The following JMJD1C variants were observed in gnomAD, a reference collection of about 807,000 sequenced individuals.
JMJD1C encodes the protein jumonji domain-containing protein 1C.
JMJD1C carries 31 observed loss-of-function variants against 245.3 expected under a neutral mutation model. That is an observed-to-expected ratio of 0.13 (90% CI 0.09 to 0.17). The LOEUF (loss-of-function observed/expected upper bound fraction) is 0.17, where lower values mean the gene tolerates loss of function less well. JMJD1C is among the 10% of genes least tolerant of loss of function. The pLI, the probability that JMJD1C is intolerant of heterozygous loss-of-function variation, is 1.00. For synonymous variants in JMJD1C, 1,057 were observed against 1,017.4 expected (o/e 1.04, Z -0.74); for missense variants, 2,691 against 3,000.2 (o/e 0.90, Z 2.41).
chr10:63,293,259 G>C (rs1179320174), intron 2 of JMJD1C, among the ~76,000 whole-genome samples: 2 of 151,880 alleles, frequency 1.3e-5, no homozygotes, highest in Non-Finnish European at 1.5e-5. Flanking sequence ...ATAAACCATG[G>C]TCACTCCATT....
At chr10:63,295,894 T>C (rs1859315069) in intron 2 of JMJD1C, among the ~76,000 whole-genome samples, 1 of 150,030 alleles carries the variant, frequency 6.7e-6, no homozygotes. Flanking sequence ...TATGTATATA[T>C]ATATACATGA....
chr10:63,190,952 C>A lies in JMJD1C; in HGVS notation c.6233G>T (p.Arg2078Leu). The change falls in exon 17 of 26, where the codon CGT (arginine) becomes CTT (leucine). Residue 2078 changes from arginine (R) to leucine (L), a missense_variant. By Grantham distance (102) the Arg-to-Leu change is moderately radical. Coordinates refer to ENST00000399262, the MANE Select transcript of JMJD1C (RefSeq NM_032776.3). The part of the protein sequence containing the change: ...DLLTTTAGKL[R>L]VGSTDAGIAF... ...AATGCCAGCATCTGTAGACCCCACA[C>A]GTAGCTTTCCAGCTGTTGTAGTCAG... 2.5e-6 allele frequency: 4 copies of A among 1,614,122 alleles called. No individual in the cohort carries two copies. The highest frequency in any genetic ancestry group is 3.4e-6 in the Non-Finnish European group (4 of 1,179,960).
intron 2 of JMJD1C, among the ~76,000 whole-genome samples, chr10:63,267,097 G>C (rs1368477979): frequency 6.6e-6 from 1 of 152,042 alleles, no homozygotes; most frequent in East Asian, 1.9e-4. Context: ...ACTCTTACAA[G>C]GACATGAGTA....
intron 3 of JMJD1C, among the ~76,000 whole-genome samples, chr10:63,234,493 T>TACAAAAAAAAAAAAAAAAAAAAAAA (rs1850424305): frequency 2.7e-5 from 1 of 37,026 alleles, no homozygotes; most frequent in African/African-American, 1.1e-4. Context: ...AACCTCCTCT[T>TACAAAAAAAAAAAAAAAAAAAAAAA]AAAAAAAAAA....
intron 10 of JMJD1C, among the ~76,000 whole-genome samples, chr10:63,205,361 G>T (rs1846477164): frequency 6.6e-6 from 1 of 152,126 alleles, no homozygotes; most frequent in South Asian, 2.1e-4. Context: ...ATATTACTCT[G>T]AAGTAAAATT....
chr10:63,374,869 G>A (rs991766089), intron 2 of JMJD1C, among the ~76,000 whole-genome samples: 7 of 151,992 alleles, frequency 4.6e-5, no homozygotes, highest in Admixed American at 3.9e-4. Context: ...CAGAGATTTT[G>A]TACTTGCTAA....
intron 2 of JMJD1C, among the ~76,000 whole-genome samples, chr10:63,375,005 T>G (rs1367919207): frequency 6.6e-6 from 1 of 152,124 alleles, no homozygotes; most frequent in African/African-American, 2.4e-5. Flanking sequence ...TTAAATGCTA[T>G]TTGTCTTTTT....
chr10:63,488,006 G>A (rs559021017), intron 1 of JMJD1C, among the ~76,000 whole-genome samples: 1 of 152,044 alleles, frequency 6.6e-6, no homozygotes, highest in Non-Finnish European at 1.5e-5. Context: ...AAGTGTATAT[G>A]GTCATACGAT....
chr10:63,247,285 A>G (rs1852344601), intron 3 of JMJD1C, among the ~76,000 whole-genome samples: 1 of 152,114 alleles, frequency 6.6e-6, no homozygotes, highest in South Asian at 2.1e-4. Context: ...TCAGAAATAC[A>G]AAGACTCATT....
chr10:63,457,673 G>GA (rs1256561170), intron 1 of JMJD1C, among the ~76,000 whole-genome samples: 7 of 152,290 alleles, frequency 4.6e-5, no homozygotes, highest in Middle Eastern at 6.8e-3. Context: ...AAAGGGCTCA[G>GA]AAAGAATATA....
intron 17 of JMJD1C, 96 bp from the exon 18 acceptor site, chr10:63,189,542 T>G (rs1285940060): frequency 1.0e-6 from 1 of 967,164 alleles, no homozygotes; most frequent in Non-Finnish European, 1.5e-6. Context: ...ACAATATCCC[T>G]ACACTCCACA....
intron 2 of JMJD1C, among the ~76,000 whole-genome samples, chr10:63,266,879 G>T (rs890098730): frequency 2.0e-5 from 3 of 152,110 alleles, no homozygotes; most frequent in African/African-American, 7.2e-5. Flanking sequence ...ACATTCTTCT[G>T]AAGAGAGCTC....
rs117607177 is a variant in JMJD1C at position 63,170,129 on chromosome 10, G to A, written c.7402-1563C>T. Reference sequence around the variant, plus strand: ...ATTTGTAGCTCCAAAATGTATACTTGGTTCTTTTTTTATATAATTTATTGA... The same window carrying A: ...ATTTGTAGCTCCAAAATGTATACTTAGTTCTTTTTTTATATAATTTATTGA... On this transcript the variant is annotated intron_variant, in intron 24 of 25. Coordinates refer to ENST00000399262, the MANE Select transcript of JMJD1C (RefSeq NM_032776.3). Among the ~76,000 whole-genome samples, 293 of 152,172 alleles carry A rather than the reference G, an allele frequency of 1.9e-3. 2 individuals are homozygous for A. The highest frequency in any genetic ancestry group is 2.5e-3 in the Non-Finnish European group (168 of 67,992).
At chr10:63,376,469 AAC>A (rs999310806) in intron 2 of JMJD1C, among the ~76,000 whole-genome samples, 1 of 152,212 alleles carries the variant, frequency 6.6e-6, no homozygotes, top group Admixed American at 6.5e-5. Flanking sequence ...GGCCACTGCT[AAC>A]ACAGTAAAAA....
rs1166721473 is a variant in JMJD1C, at chr10:63,486,137, TAAAAAAAAAAA to T, written n.113+35590_113+35600del. Among the ~76,000 whole-genome samples, 10 of 73,290 alleles carry T rather than the reference TAAAAAAAAAAA, an allele frequency of 1.4e-4. 1 individual carries two copies. The South Asian group carries it at 3.1e-3, about 23-fold the overall frequency. 48.1% of individuals were successfully genotyped at this position (73,290 alleles called of 152,430 possible). On this transcript the variant is annotated intron_variant and non_coding_transcript_variant, in intron 1 of 3. Transcript: ENST00000633035. ...GAAAGTAAAGGGCTTCAAGCAATTGTAAAAAAAAAAAAAAAAAAAAAAAAAAAAAAACAAAA... is the reference window on the plus strand; with the variant it reads ...GAAAGTAAAGGGCTTCAAGCAATTGTAAAAAAAAAAAAAAAAAAAACAAAA...
At chr10:63,330,452 T>C (rs1942024438) in intron 2 of JMJD1C, among the ~76,000 whole-genome samples, 1 of 152,164 alleles carries the variant, frequency 6.6e-6, no homozygotes, top group Non-Finnish European at 1.5e-5. Context: ...TCTAAAAAAA[T>C]GAAAGTATTA....
At chr10:63,239,451 A>AT (rs964879507) in intron 3 of JMJD1C, among the ~76,000 whole-genome samples, 28 of 150,056 alleles carry the variant, frequency 1.9e-4, no homozygotes, top group East Asian at 5.9e-4. Context: ...CTACATGTTG[A>AT]TTTTTTTTTT....
At chr10:63,423,047 C>CT (rs1228176168) in intron 1 of JMJD1C, among the ~76,000 whole-genome samples, 2 of 151,514 alleles carry the variant, frequency 1.3e-5, no homozygotes, top group Non-Finnish European at 2.9e-5. Context: ...TCACTGCAAA[C>CT]TTTGCCTCCT....
At chr10:63,425,208 T>C (rs1418235548) in intron 1 of JMJD1C, among the ~76,000 whole-genome samples, 1 of 152,186 alleles carries the variant, frequency 6.6e-6, no homozygotes, top group Non-Finnish European at 1.5e-5. Context: ...GCAAATAATA[T>C]ATTTCCTTTA....
Sources: gnomAD v4.1 joint callset for allele counts (sites outside exome capture counted in the v4.1 genomes callset) on GRCh38, gnomAD v4.1.1 for gene constraint, MANE v1.5 for transcripts, NCBI Gene and HGNC (gene_info 2026-07-23, HGNC 2026-07-21) for gene names.